The following UAP1 variants were observed in gnomAD, a reference collection of about 807,000 sequenced individuals.
UAP1 encodes the protein UDP-N-acetylglucosamine pyrophosphorylase 1.
UAP1 carries 25 observed loss-of-function variants against 58.5 expected under a neutral mutation model. That is an observed-to-expected ratio of 0.43 (90% CI 0.31 to 0.60). The LOEUF (loss-of-function observed/expected upper bound fraction) is 0.60, where lower values mean the gene tolerates loss of function less well. UAP1 is among the 20% of genes least tolerant of loss of function. The pLI is 0.11. For synonymous variants in UAP1, 208 were observed against 213.0 expected (o/e 0.98, Z 0.21); for missense variants, 575 against 630.0 (o/e 0.91, Z 0.93).
At chr1:162,575,308 A>T (rs948677910) in intron 2 of UAP1, among the ~76,000 whole-genome samples, 1 of 152,040 alleles carries the variant, frequency 6.6e-6, no homozygotes, top group Non-Finnish European at 1.5e-5. Context: ...ACCTCGGGTA[A>T]TCCTCCCGCC....
chr1:162,589,194 ATATAT>A (rs1221347850), intron 7 of UAP1, among the ~76,000 whole-genome samples: 2 of 68,314 alleles, frequency 2.9e-5, no homozygotes, highest in African/African-American at 9.7e-5. Flanking sequence ...AATATATATT[ATATAT>A]TATATTTAAA....
chr1:162,589,798 C>G (rs1178357447), intron 7 of UAP1, among the ~76,000 whole-genome samples: 3 of 151,894 alleles, frequency 2.0e-5, no homozygotes, highest in African/African-American at 7.3e-5. Flanking sequence ...ATGGTGAAAC[C>G]CTGTCTCTAC....
rs553935334 is a variant in UAP1 at position 162,589,159 on chromosome 1, TATATA to T, written c.1169+332_1169+336del. Among the ~76,000 whole-genome samples, 539 of 68,072 alleles carry T rather than the reference TATATA, an allele frequency of 7.9e-3. 8 individuals carry two copies. Among genetic ancestry groups the T allele is most frequent in the African/African-American group, 0.026 (516 of 20,124 alleles). 44.7% of individuals were successfully genotyped at this position (68,072 alleles called of 152,430 possible). ...TTATATATTTATATAATATATATTATATATAATATATAAATATTATATATAATATA... is the reference window on the plus strand; with the variant it reads ...TTATATATTTATATAATATATATTATATATATAAATATTATATATAATATA... On this transcript the variant is annotated intron_variant, in intron 7 of 10. Coordinates refer to ENST00000271469, the Ensembl canonical transcript of UAP1.
chr1:162,580,824 T>C (rs1165162626), intron 4 of UAP1, among the ~76,000 whole-genome samples: 1 of 152,242 alleles, frequency 6.6e-6, no homozygotes, highest in Non-Finnish European at 1.5e-5. Flanking sequence ...TAGGCCTCCA[T>C]ATCAATCTGT....
chr1:162,578,515 C>G (rs1294546198), intron 3 of UAP1, among the ~76,000 whole-genome samples: 1 of 152,150 alleles, frequency 6.6e-6, no homozygotes, highest in African/African-American at 2.4e-5. Context: ...TTTGGAGGAA[C>G]ATCTGTGTTC....
chr1:162,594,939 T>A (rs1056751021), intron 9 of UAP1, among the ~76,000 whole-genome samples: 1 of 152,158 alleles, frequency 6.6e-6, no homozygotes, highest in Non-Finnish European at 1.5e-5. Flanking sequence ...AAGAACATCA[T>A]GTAATTGTGA....
intron 1 of UAP1, 65 bp from the exon 2 acceptor site, chr1:162,565,947 G>C: frequency 1.0e-6 from 1 of 996,606 alleles, no homozygotes; most frequent in East Asian, 2.5e-5. Flanking sequence ...ATTTTTAGAG[G>C]GGAAAAAAGC....
exon 6 of UAP1, chr1:162,587,549 A>C (rs1027770634): frequency 6.2e-7 from 1 of 1,614,012 alleles, no homozygotes; most frequent in African/African-American, 1.3e-5. Flanking sequence ...AGGTGGTAGA[A>C]TATAGTGAGA....
chr1:162,575,048 C>T (rs553706445), intron 2 of UAP1, among the ~76,000 whole-genome samples: 1 of 152,148 alleles, frequency 6.6e-6, no homozygotes, highest in South Asian at 2.1e-4. Flanking sequence ...ATAGATGGCC[C>T]ATTTTTTAAA....
At chr1:162,601,134 A>G (rs1655878794), downstream of UAP1, among the ~76,000 whole-genome samples, 1 of 152,228 alleles carries the variant, frequency 6.6e-6, no homozygotes, top group Non-Finnish European at 1.5e-5. Context: ...TGATAGCATT[A>G]TGTATTTTTA....
intron 2 of UAP1, among the ~76,000 whole-genome samples, chr1:162,567,486 A>G (rs184755159): frequency 6.6e-6 from 1 of 152,222 alleles, no homozygotes; most frequent in African/African-American, 2.4e-5. Flanking sequence ...GAGAATGGCA[A>G]AATAGCTCAA....
At chr1:162,582,159 A>G (rs1433179518) in intron 5 of UAP1, among the ~76,000 whole-genome samples, 1 of 152,224 alleles carries the variant, frequency 6.6e-6, no homozygotes, top group East Asian at 1.9e-4. Flanking sequence ...AAATACTGAT[A>G]TAAACATTAC....
At chr1:162,575,007 T>C (rs990633537) in intron 2 of UAP1, among the ~76,000 whole-genome samples, 4 of 152,256 alleles carry the variant, frequency 2.6e-5, no homozygotes, top group Non-Finnish European at 4.4e-5. Flanking sequence ...GTAATGAAGA[T>C]AGTCTGAGTC....
At chr1:162,571,949 G>A (rs929733649) in intron 2 of UAP1, among the ~76,000 whole-genome samples, 3 of 152,188 alleles carry the variant, frequency 2.0e-5, no homozygotes, top group Admixed American at 2.0e-4. Flanking sequence ...AGGAACTGCT[G>A]CCTTTTCTCT....
chr1:162,583,803 G>A (rs972961272), intron 5 of UAP1, among the ~76,000 whole-genome samples: 1 of 151,732 alleles, frequency 6.6e-6, no homozygotes. Flanking sequence ...AATTTTTCTG[G>A]GTCTTTTTGT....
At chr1:162,589,241 TTA>T (rs1364266846) in intron 7 of UAP1, among the ~76,000 whole-genome samples, 2 of 125,666 alleles carry the variant, frequency 1.6e-5, no homozygotes, top group African/African-American at 3.1e-5. Flanking sequence ...ATATATAAAT[TTA>T]TAGTTATATA....
At position 162,599,227 on chromosome 1, in the gene UAP1, AGT is replaced by A. The variant is rs1167092976; in HGVS notation, c.1477-42_1477-41del. On this transcript the variant is annotated intron_variant, in intron 10 of 10. Coordinates refer to ENST00000271469, the Ensembl canonical transcript of UAP1. ...ATAGCAAGTCCAGCACTGCATGACA[AGT>A]GCAAATTTTCTAATTGTGTTTCATT... is the stretch of plus-strand genomic sequence containing the variant. 3 of 1,400,700 alleles carry A rather than the reference AGT, an allele frequency of 2.1e-6. No homozygotes were observed. The South Asian group carries it at 3.5e-5, about 16-fold the overall frequency. 86.8% of individuals were successfully genotyped at this position (1,400,700 alleles called of 1,614,324 possible).
At chr1:162,588,662 T>G (rs1655064137) in intron 6 of UAP1, 31 bp from the exon 7 acceptor site, 2 of 1,582,066 alleles carry the variant, frequency 1.3e-6, no homozygotes, top group East Asian at 4.7e-5. Context: ...ATCTGGAACG[T>G]GATTATATCT....
chr1:162,576,632 T>C (rs1430342296), intron 2 of UAP1, 145 bp from the exon 3 acceptor site: 1 of 711,218 alleles, frequency 1.4e-6, no homozygotes, highest in African/African-American at 1.8e-5. Context: ...CACTAGCCTG[T>C]ACCCAAAATC....
Sources: allele counts gnomAD v4.1 joint callset (sites outside exome capture counted in the v4.1 genomes callset), GRCh38; gene constraint gnomAD v4.1.1; transcripts MANE v1.5; gene names NCBI Gene and HGNC (gene_info 2026-07-23, HGNC 2026-07-21).